The following PDE1C variants were observed in gnomAD, a reference collection of about 807,000 sequenced individuals.
PDE1C encodes the protein phosphodiesterase 1C.
PDE1C carries 62 observed loss-of-function variants against 93.1 expected under a neutral mutation model. The observed-to-expected ratio is 0.67, with a 90% CI of 0.54 to 0.82. The LOEUF (loss-of-function observed/expected upper bound fraction) is 0.82. Ranked by LOEUF, PDE1C falls within the 40% of genes least tolerant of loss-of-function variation. The probability of loss-of-function intolerance (pLI) is 0.00; values close to 1 mark genes in which losing one functional copy is unlikely to be tolerated. For missense variants in PDE1C, 742 were observed against 884.6 expected, an observed-to-expected ratio of 0.84 and a Z score of 2.04; for synonymous variants, 325 against 310.1, an observed-to-expected ratio of 1.05 and a Z score of -0.50.
At chr7:31,732,611 T>TTCTCTC in the PDE1C span, among the ~76,000 whole-genome samples, 3,390 of 143,824 alleles carry the variant, frequency 0.024, 194 homozygotes, top group African/African-American at 0.083. Flanking sequence ...CTTTAAATCT[T>TTCTCTC]TCTCTCTCTC....
intron 1 of PDE1C, among the ~76,000 whole-genome samples, chr7:32,358,901 G>C (rs1013641958): frequency 4.6e-5 from 7 of 151,678 alleles, no homozygotes; most frequent in African/African-American, 1.7e-4. Flanking sequence ...GTGTGTCTGT[G>C]TGTGTGTGTG....
intron 1 of PDE1C, among the ~76,000 whole-genome samples, chr7:32,221,948 G>A (rs1205907226): frequency 2.6e-5 from 4 of 152,114 alleles, no homozygotes; most frequent in Non-Finnish European, 4.4e-5. Flanking sequence ...AGCTCAAAAT[G>A]TATCAGGAGA....
the PDE1C span, among the ~76,000 whole-genome samples, chr7:31,641,632 G>T: frequency 6.6e-6 from 1 of 152,118 alleles, no homozygotes; most frequent in South Asian, 2.1e-4. Flanking sequence ...CTGCCCACAC[G>T]TGACTTTGCC....
At chr7:31,633,863 A>G in the PDE1C span, among the ~76,000 whole-genome samples, 1 of 152,170 alleles carries the variant, frequency 6.6e-6, no homozygotes, top group South Asian at 2.1e-4. Flanking sequence ...CAACTTTATC[A>G]CACTTGACAC....
At chr7:32,059,486 A>T (rs1394984681) in intron 1 of PDE1C, among the ~76,000 whole-genome samples, 1 of 152,122 alleles carries the variant, frequency 6.6e-6, no homozygotes, top group Non-Finnish European at 1.5e-5. Flanking sequence ...CTCCCAAAGC[A>T]AGCCCCACTC....
upstream of PDE1C, among the ~76,000 whole-genome samples, chr7:32,075,151 G>T (rs779951247): frequency 6.6e-6 from 1 of 152,202 alleles, no homozygotes; most frequent in African/African-American, 2.4e-5. Flanking sequence ...CTGCAAACAA[G>T]CTCCTCCGCT....
the PDE1C span, among the ~76,000 whole-genome samples, chr7:31,711,056 G>T: frequency 6.6e-6 from 1 of 152,290 alleles, no homozygotes; most frequent in African/African-American, 2.4e-5. Flanking sequence ...CCAGCAAGAT[G>T]AGACTCCTCC....
intron 2 of PDE1C, among the ~76,000 whole-genome samples, chr7:32,187,107 A>G (rs1584927198): frequency 6.6e-6 from 1 of 152,014 alleles, no homozygotes; most frequent in Admixed American, 6.6e-5. Flanking sequence ...TTGGGAAACT[A>G]TTATAATTTT....
At chr7:31,958,104 GT>G (rs1808408104) in intron 2 of PDE1C, among the ~76,000 whole-genome samples, 1 of 152,130 alleles carries the variant, frequency 6.6e-6, no homozygotes, top group Non-Finnish European at 1.5e-5. Context: ...CATAAAAAAT[GT>G]TTTTTCATCC....
chr7:32,401,561 G>GA (rs575644209), intron 1 of PDE1C, among the ~76,000 whole-genome samples: 195 of 151,340 alleles, frequency 1.3e-3, no homozygotes, highest in African/African-American at 4.7e-3. Flanking sequence ...AAGAAAGAAA[G>GA]AAAAAAAATA....
intron 1 of PDE1C, among the ~76,000 whole-genome samples, chr7:32,264,836 A>G (rs1473711218): frequency 1.3e-5 from 2 of 152,192 alleles, no homozygotes; most frequent in East Asian, 1.9e-4. Context: ...CGAAAGTTCT[A>G]CTGAGGAGCC....
At chr7:31,830,839 G>A (rs1452000852) in intron 11 of PDE1C, among the ~76,000 whole-genome samples, 1 of 152,134 alleles carries the variant, frequency 6.6e-6, no homozygotes, top group Non-Finnish European at 1.5e-5. Context: ...AAGGTAGATG[G>A]CAGAATACGG....
chr7:32,297,576 C>T (rs1055366006), intron 1 of PDE1C, among the ~76,000 whole-genome samples: 2 of 152,150 alleles, frequency 1.3e-5, no homozygotes, highest in African/African-American at 4.8e-5. Flanking sequence ...CAGCATGGGG[C>T]GGAAGGTAGA....
chr7:31,692,410 G>A, the PDE1C span: 1 of 1,526,384 alleles, frequency 6.6e-7, no homozygotes, highest in South Asian at 1.1e-5. Context: ...CCTTAGTGCT[G>A]GAGAAGAAAT....
intron 2 of PDE1C, among the ~76,000 whole-genome samples, chr7:32,175,897 C>T (rs1802954090): frequency 6.6e-6 from 1 of 151,838 alleles, no homozygotes; most frequent in Admixed American, 6.6e-5. Context: ...CCATGGAATG[C>T]AATTAATTAT....
At chr7:31,870,728 A>G (rs1016803256) in intron 6 of PDE1C, among the ~76,000 whole-genome samples, 1 of 151,986 alleles carries the variant, frequency 6.6e-6, no homozygotes, top group African/African-American at 2.4e-5. Flanking sequence ...ATTGAGGGGC[A>G]ATTTCTCCTT....
chr7:32,285,404 T>C (rs1036088882), intron 1 of PDE1C, among the ~76,000 whole-genome samples: 9 of 152,290 alleles, frequency 5.9e-5, no homozygotes, highest in Admixed American at 1.3e-4. Flanking sequence ...TGTATGTAAA[T>C]ATTTATAGCA....
intron 1 of PDE1C, among the ~76,000 whole-genome samples, chr7:32,424,872 C>T (rs62458066): frequency 0.13 from 19,918 of 151,904 alleles, 1,360 homozygotes; most frequent in East Asian, 0.19. Context: ...AGTTAACAAA[C>T]GGAAAATAAG....
intron 17 of PDE1C, among the ~76,000 whole-genome samples, chr7:31,774,041 G>A (rs565019110): frequency 1.6e-4 from 24 of 152,252 alleles, no homozygotes; most frequent in Non-Finnish European, 2.6e-4. Flanking sequence ...TTGGGTGAGG[G>A]AGCTACAGAA....
Sources: allele counts gnomAD v4.1 joint callset (sites outside exome capture counted in the v4.1 genomes callset), GRCh38; gene constraint gnomAD v4.1.1; transcripts MANE v1.5; gene names NCBI Gene and HGNC (gene_info 2026-07-23, HGNC 2026-07-21).